Variants in SEPTIN9 observed in about 807,000 individuals in gnomAD.
The protein encoded by SEPTIN9 is septin-9.
In SEPTIN9, 13 loss-of-function variants were observed where a neutral mutation model predicts 56.6. That is an observed-to-expected ratio of 0.23 (90% CI 0.15 to 0.37). The LOEUF (loss-of-function observed/expected upper bound fraction) is 0.37, where lower values mean the gene tolerates loss of function less well. Ranked by LOEUF, SEPTIN9 falls within the 10% of genes least tolerant of loss-of-function variation. The pLI is 1.00. For missense variants in SEPTIN9, 650 were observed against 823.1 expected, an observed-to-expected ratio of 0.79 and a Z score of 2.57; for synonymous variants, 332 against 334.1, an observed-to-expected ratio of 0.99 and a Z score of 0.07.
At chr17:77,388,244 G>A (rs2035408094) in intron 2 of SEPTIN9, among the ~76,000 whole-genome samples, 1 of 152,142 alleles carries the variant, frequency 6.6e-6, no homozygotes, top group Non-Finnish European at 1.5e-5. Flanking sequence ...GAGTCCGAGA[G>A]TCCCCTCAGT....
rs2033139589 is a variant in SEPTIN9 at position 77,326,347 on chromosome 17, G to A, written c.76+19150G>A. Among the ~76,000 whole-genome samples, 1 of 152,178 alleles carries A rather than the reference G, an allele frequency of 6.6e-6. No individual in the cohort carries two copies. Among genetic ancestry groups the A allele is most frequent in the Non-Finnish European group, 1.5e-5 (1 of 68,046 alleles). The stretch of plus-strand genomic sequence containing the variant: ...ACCACATCAGTAAACGTGAAACACA[G>A]GAAGTGACAGGTGTGACAAAGGGGA... On this transcript the variant is annotated intron_variant, in intron 2 of 11. Transcript: ENST00000427177. The surrounding 1 kb of genome is among the most constrained non-coding windows in gnomAD (Gnocchi z 5.1).
intron 2 of SEPTIN9, among the ~76,000 whole-genome samples, chr17:77,397,518 G>A (rs1363530783): frequency 1.3e-5 from 2 of 152,096 alleles, no homozygotes; most frequent in Admixed American, 1.3e-4. Flanking sequence ...TGTCTTTTTG[G>A]GGGTCACTAG....
At chr17:77,376,943 T>C in intron 2 of SEPTIN9, 1 of 152,324 alleles carries the variant, frequency 6.6e-6, no homozygotes. Context: ...GCACCATGGC[T>C]TTATGTTCCA....
At chr17:77,378,251 C>T (rs2035004783) in intron 2 of SEPTIN9, among the ~76,000 whole-genome samples, 1 of 152,166 alleles carries the variant, frequency 6.6e-6, no homozygotes, top group Admixed American at 6.5e-5. Context: ...ACAGAGTTTG[C>T]ATCCAGAGGG....
chr17:77,413,286 C>A (rs2036370133), intron 3 of SEPTIN9, among the ~76,000 whole-genome samples: 1 of 152,164 alleles, frequency 6.6e-6, no homozygotes, highest in South Asian at 2.1e-4. Flanking sequence ...GAGCCTGATA[C>A]TTTTGGGGGA....
At chr17:77,354,941 A>T (rs1933710687) in intron 2 of SEPTIN9, among the ~76,000 whole-genome samples, 1 of 151,880 alleles carries the variant, frequency 6.6e-6, no homozygotes, top group African/African-American at 2.4e-5. Flanking sequence ...GCCTTGAGTC[A>T]CTTGCCCGGG....
In SEPTIN9 at chr17:77,444,480, G is replaced by C. The variant is rs116679444; in HGVS notation, c.722-37664G>C. ...GGTGAGAGGGCTGGGGGTCGGGGAG[G>C]GGGGTGTGGAGAGTGGGAGCTTGAG... On this transcript the variant is annotated intron_variant, in intron 3 of 11. Transcript: ENST00000427177. Among the ~76,000 whole-genome samples, 621 of 152,080 alleles carry C rather than the reference G, an allele frequency of 4.1e-3. 3 individuals carry two copies. Among genetic ancestry groups the C allele is most frequent in the African/African-American group, 0.014 (579 of 41,502 alleles).
chr17:77,339,795 C>A (rs1231085949), intron 2 of SEPTIN9, among the ~76,000 whole-genome samples: 2 of 147,798 alleles, frequency 1.4e-5, no homozygotes, highest in Non-Finnish European at 3.0e-5. Flanking sequence ...CAGGCATGAG[C>A]CACTGCACCG....
At chr17:77,441,727 A>AG (rs2037554748) in intron 3 of SEPTIN9, among the ~76,000 whole-genome samples, 1 of 152,178 alleles carries the variant, frequency 6.6e-6, no homozygotes, top group Admixed American at 6.5e-5. Flanking sequence ...TTTACTCCCC[A>AG]GGGCAGTGAA....
chr17:77,455,609 C>T (rs946629232), intron 3 of SEPTIN9, among the ~76,000 whole-genome samples: 5 of 152,206 alleles, frequency 3.3e-5, no homozygotes, highest in Admixed American at 1.3e-4. Context: ...ATCCACTGGG[C>T]AGATTCAGCC....
Position 77,487,897 on chromosome 17 carries a change from C to T in SEPTIN9, c.1043-343C>T, listed in dbSNP as rs1284059616. Among the ~76,000 whole-genome samples, 1 of 152,200 alleles carries T rather than the reference C, an allele frequency of 6.6e-6. No individual in the cohort carries two copies. Among genetic ancestry groups the T allele is most frequent in the Non-Finnish European group, 1.5e-5 (1 of 68,034 alleles). ...TGAGGGTGCCCGAGTCAGGCAATCC[C>T]AGGTCCCCAAGACGGGGACTCGCTG... On this transcript the variant is annotated intron_variant, in intron 5 of 11. Coordinates refer to ENST00000427177, the MANE Select transcript of SEPTIN9 (RefSeq NM_001113491.2). The surrounding 1 kb of genome is among the most constrained non-coding windows in gnomAD (Gnocchi z 4.3).
At chr17:77,408,768 G>A (rs930861733) in intron 3 of SEPTIN9, among the ~76,000 whole-genome samples, 1 of 152,096 alleles carries the variant, frequency 6.6e-6, no homozygotes, top group African/African-American at 2.4e-5. Context: ...GTTGGGGAGA[G>A]GGTGACCACT....
intron 3 of SEPTIN9, chr17:77,427,067 C>T (rs945205362): frequency 3.9e-5 from 6 of 152,200 alleles, no homozygotes; most frequent in African/African-American, 1.4e-4. Context: ...ATGGACTGCT[C>T]GTGATTGGAG....
intron 2 of SEPTIN9, among the ~76,000 whole-genome samples, chr17:77,370,601 C>T (rs1050283717): frequency 3.9e-5 from 6 of 152,220 alleles, no homozygotes; most frequent in Admixed American, 6.5e-5. Context: ...GGCCTGCAGT[C>T]GGTCTTGCCT....
intron 10 of SEPTIN9, among the ~76,000 whole-genome samples, chr17:77,494,726 G>A (rs1010409831): frequency 6.6e-6 from 1 of 152,204 alleles, no homozygotes; most frequent in East Asian, 1.9e-4. Flanking sequence ...CAGAAAACCT[G>A]CCAAGGGACC....
intron 3 of SEPTIN9, among the ~76,000 whole-genome samples, chr17:77,412,822 C>G (rs2036351009): frequency 6.6e-6 from 1 of 152,098 alleles, no homozygotes; most frequent in Non-Finnish European, 1.5e-5. Context: ...GGATGTTCTT[C>G]TACACAGAAC....
chr17:77,353,719 G>A (rs1250921476), intron 2 of SEPTIN9, among the ~76,000 whole-genome samples: 1 of 152,180 alleles, frequency 6.6e-6, no homozygotes, highest in Non-Finnish European at 1.5e-5. Context: ...TTGGTTGTCT[G>A]TGAGGACCAG....
intron 3 of SEPTIN9, among the ~76,000 whole-genome samples, chr17:77,404,410 T>C (rs1344271340): frequency 6.6e-6 from 1 of 152,176 alleles, no homozygotes; most frequent in Non-Finnish European, 1.5e-5. Context: ...CATGCCTGGC[T>C]AATTTTTAAA....
intron 2 of SEPTIN9, among the ~76,000 whole-genome samples, chr17:77,401,078 C>T (rs547680135): frequency 5.9e-5 from 9 of 152,256 alleles, no homozygotes; most frequent in East Asian, 5.8e-4. Flanking sequence ...CTGGGGGAGC[C>T]GGACAACCAA....
Sources: gnomAD v4.1 joint callset for allele counts (sites outside exome capture counted in the v4.1 genomes callset) on GRCh38, gnomAD v4.1.1 for gene constraint, Gnocchi (gnomAD v3.1) non-coding constraint, MANE v1.5 for transcripts, NCBI Gene and HGNC (gene_info 2026-07-23, HGNC 2026-07-21) for gene names.